ZNF180: variants seen among roughly 807,000 people sequenced by gnomAD.
ZNF180 encodes zinc finger protein 180 (HHZ168).
A neutral mutation model predicts 11.8 loss-of-function variants in ZNF180; 11 were observed. That is an observed-to-expected ratio of 0.93 (90% CI 0.59 to 1.55). ZNF180 has a LOEUF of 1.55. ZNF180 is among the 40% of genes most tolerant of loss of function. The pLI, the probability that ZNF180 is intolerant of heterozygous loss-of-function variation, is 0.00. For missense variants in ZNF180, 773 were observed against 781.7 expected (o/e 0.99, Z 0.13); for synonymous variants, 287 against 257.7 (o/e 1.11, Z -1.09).
In ZNF180 at chr19:44,476,471, G is replaced by A; in HGVS notation, c.1929C>T (p.Phe643=). ...GCCTAATAAGTTTATAGCTATTAAT[G>A]AAAGCTTTTCCACACTGAATACATG... ...PFTCIQCGKA[F]INSYKLIRHQ... The change falls in exon 5 of 5, where the codon TTC becomes TTT. Residue 643 remains phenylalanine, a synonymous_variant. Transcript: ENST00000592529. 1 of 1,613,988 alleles carries A rather than the reference G, an allele frequency of 6.2e-7. No homozygotes were observed. The highest frequency in any genetic ancestry group is 1.1e-5 in the South Asian group (1 of 91,054).
At position 44,477,748 on chromosome 19, in the gene ZNF180, G is replaced by C; in HGVS notation, c.652C>G (p.Leu218Val). ...TTTCCACATTCATTATTTTCATATA[G>C]TGTCTCATTCTCATTAATCTTCTGA... ...SHQKINENET[L>V]YENNECGKPP... Residue 218 changes from leucine to valine, a missense_variant, in exon 5 of 5, where the codon CTA becomes GTA. Physicochemically the swap from Leu to Val is conservative, Grantham distance 32 (BLOSUM62 1). Transcript: ENST00000592529. 6.2e-7 allele frequency: 1 copy of C among 1,613,932 alleles called. No homozygotes were observed. The highest frequency in any genetic ancestry group is 8.5e-7 in the Non-Finnish European group (1 of 1,179,954).
chr19:44,476,963 A>G lies in ZNF180; in HGVS notation c.1437T>C (p.Tyr479=), dbSNP rs771229424. ...GAGTTCTCTGATGAGCAACAAGTTT[A>G]TAACTTTGACTAAAGGATTTCCCAC... ...NQCGKSFSQS[Y]KLVAHQRTHT... is the part of the protein sequence containing the mutation. The change falls in exon 5 of 5, where the codon TAT becomes TAC. Residue 479 remains tyrosine, a synonymous_variant. Coordinates refer to ENST00000592529, the MANE Select transcript of ZNF180 (RefSeq NM_001278509.3). 49 of 1,613,746 alleles carry G rather than the reference A, an allele frequency of 3.0e-5. No individual in the cohort carries two copies. The highest frequency in any genetic ancestry group is 4.0e-5 in the Non-Finnish European group (47 of 1,179,950).
In ZNF180 at chr19:44,476,995, T is replaced by G. The variant is rs776508711; in HGVS notation, c.1405A>C (p.Asn469His). Residue 469 changes from asparagine to histidine, a missense_variant, in exon 5 of 5, where the codon AAT becomes CAT. Asn to His is a moderately conservative substitution (Grantham distance 68). Coordinates refer to ENST00000592529, the MANE Select transcript of ZNF180 (RefSeq NM_001278509.3). ...IHTGEKPYEC[N>H]QCGKSFSQSY... ...TGACTAAAGGATTTCCCACACTGAT[T>G]GCATTCATAGGGTTTTTCCCCAGTA... 1.9e-6 allele frequency: 3 copies of G among 1,614,064 alleles called. No individual in the cohort carries two copies. Among genetic ancestry groups the G allele is most frequent in the African/African-American group, 1.3e-5 (1 of 74,932 alleles).
At position 44,477,847 on chromosome 19, in the gene ZNF180, G is replaced by A. The variant is rs760636353; in HGVS notation, c.553C>T (p.Pro185Ser). The A allele has an allele frequency of 8.1e-6, 13 of 1,613,750 alleles. No homozygotes were observed. In the South Asian group the frequency reaches 8.8e-5, roughly 11 times the overall value. Residue 185 changes from proline (P) to serine (S), a missense_variant, in exon 5 of 5, where the codon CCC becomes TCC. Transcript: ENST00000592529. ...TGTTTATGAAAATGGTTTCTTATGG[G>A]TATAACTGGGGATGAAAATAGACTG... ...NSSLFSSPVI[P>S]IRNHFHKHVS...
At position 44,475,107 on chromosome 19, in the gene ZNF180, T is replaced by C. The variant is rs1411130459; in HGVS notation, c.*1295A>G. ...CTTTCTGGGATCAGAGGCTTCAATA[T>C]ATGGTCATCCACAGGATTCAAATTC... is the stretch of plus-strand genomic sequence containing the variant. On this transcript the variant is annotated 3_prime_UTR_variant, in exon 5 of 5. Coordinates refer to ENST00000592529, the MANE Select transcript of ZNF180 (RefSeq NM_001278509.3). The C allele has an allele frequency of 1.3e-5, 2 of 152,226 alleles. No individual in the cohort carries two copies. The highest frequency in any genetic ancestry group is 4.8e-5 in the African/African-American group (2 of 41,444). 9.4% of individuals were successfully genotyped at this position (152,226 alleles called of 1,614,324 possible).
intron 1 of ZNF180, among the ~76,000 whole-genome samples, chr19:44,497,742 G>A (rs1374969722): frequency 6.6e-6 from 1 of 151,870 alleles, no homozygotes; most frequent in Non-Finnish European, 1.5e-5. Flanking sequence ...CAGGCATATT[G>A]AGGACCCCCT....
chr19:44,498,165 C>G (rs589512), intron 1 of ZNF180, among the ~76,000 whole-genome samples: 16,879 of 152,128 alleles, frequency 0.11, 1,079 homozygotes, highest in African/African-American at 0.17. Flanking sequence ...GAAACTACAA[C>G]AAGGCCTGCA....
chr19:44,482,143 T>C (rs551581136), intron 3 of ZNF180, among the ~76,000 whole-genome samples: 106 of 152,138 alleles, frequency 7.0e-4, no homozygotes, highest in Non-Finnish European at 1.4e-3. Context: ...CTGTCTCTAC[T>C]AAAAACACAA....
At chr19:44,494,661 A>T (rs1970534320) in intron 2 of ZNF180, among the ~76,000 whole-genome samples, 1 of 152,212 alleles carries the variant, frequency 6.6e-6, no homozygotes, top group Non-Finnish European at 1.5e-5. Context: ...TGACAGAGTG[A>T]GACCCTGTCT....
intron 2 of ZNF180, among the ~76,000 whole-genome samples, chr19:44,486,066 T>C (rs1232029117): frequency 6.6e-6 from 1 of 152,220 alleles, no homozygotes; most frequent in Non-Finnish European, 1.5e-5. Context: ...AGGAAGTGCC[T>C]GGTTAAATAA....
chr19:44,496,950 T>C (rs1404497935), intron 2 of ZNF180, among the ~76,000 whole-genome samples: 1 of 152,218 alleles, frequency 6.6e-6, no homozygotes, highest in East Asian at 1.9e-4. Context: ...CATGGTCTTA[T>C]CGTAATTCAT....
intron 2 of ZNF180, among the ~76,000 whole-genome samples, chr19:44,493,385 G>A (rs1398692335): frequency 6.6e-6 from 1 of 152,190 alleles, no homozygotes; most frequent in Non-Finnish European, 1.5e-5. Context: ...TTTCTTCCTA[G>A]ATCAGCTCAC....
rs559054923 is a variant in ZNF180, at chr19:44,498,139, G to A, written c.-43-762C>T. 3.4e-4 allele frequency among the ~76,000 whole-genome samples: 51 copies of A among 152,180 alleles called. 1 individual carries two copies. The highest frequency in any genetic ancestry group is 6.8e-3 in the Middle Eastern group (2 of 294). On this transcript the variant is annotated intron_variant, in intron 1 of 4. Transcript: ENST00000592529. Reference sequence around the variant, plus strand: ...TCTAAACCAGTCCCTCCACCAACTTGGGTATACTCAGGCCTGAAACTACAA... The same window carrying A: ...TCTAAACCAGTCCCTCCACCAACTTAGGTATACTCAGGCCTGAAACTACAA...
chr19:44,487,084 G>A (rs59807984), intron 2 of ZNF180, among the ~76,000 whole-genome samples: 36,540 of 151,942 alleles, frequency 0.24, 4,675 homozygotes, highest in East Asian at 0.41. Context: ...AGCCAGGCAC[G>A]GTGGTATGTG....
At chr19:44,484,694 G>A (rs1600079716) in intron 2 of ZNF180, 2 of 514,224 alleles carry the variant, frequency 3.9e-6, no homozygotes, top group Non-Finnish European at 7.1e-6. Context: ...GCCCATTGCA[G>A]CTAAATGCAG....
At chr19:44,489,353 A>C (rs1315088454) in intron 2 of ZNF180, among the ~76,000 whole-genome samples, 1 of 144,164 alleles carries the variant, frequency 6.9e-6, no homozygotes, top group Non-Finnish European at 1.5e-5. Flanking sequence ...TCTGTGTAGA[A>C]AGAAGTAGAC....
intron 2 of ZNF180, among the ~76,000 whole-genome samples, 167 bp downstream of exon 2, chr19:44,497,117 C>T (rs146388722): frequency 2.6e-4 from 40 of 152,244 alleles, no homozygotes; most frequent in African/African-American, 9.4e-4. Flanking sequence ...AAAGGTGAGG[C>T]AACTAGCAGG....
At chr19:44,484,942 C>T (rs753163001) in intron 2 of ZNF180, 27 of 154,456 alleles carry the variant, frequency 1.7e-4, no homozygotes, top group Middle Eastern at 6.7e-3. Flanking sequence ...AGGCAGTTCA[C>T]TTGAGGTCAG....
chr19:44,482,317 A>G (rs1380384900), intron 3 of ZNF180, among the ~76,000 whole-genome samples: 1 of 152,122 alleles, frequency 6.6e-6, no homozygotes, highest in Middle Eastern at 3.2e-3. Context: ...TCAAAATCAT[A>G]ATAACAATAA....
Sources: allele counts gnomAD v4.1 joint callset (sites outside exome capture counted in the v4.1 genomes callset), GRCh38; gene constraint gnomAD v4.1.1; transcripts MANE v1.5; gene names NCBI Gene and HGNC (gene_info 2026-07-23, HGNC 2026-07-21).